Variants in PCDH15 observed in about 807,000 individuals in gnomAD.
PCDH15 encodes the protein protocadherin related 15.
A neutral mutation model predicts 178.5 loss-of-function variants in PCDH15; 129 were observed. That is an observed-to-expected ratio of 0.72 (90% CI 0.63 to 0.84). The LOEUF (loss-of-function observed/expected upper bound fraction) is 0.84. Ranked by LOEUF, PCDH15 falls within the 40% of genes least tolerant of loss-of-function variation. The pLI is 0.00. For missense variants in PCDH15, 2,230 were observed against 2,099.9 expected (o/e 1.06, Z -1.21); for synonymous variants, 800 against 732.0 (o/e 1.09, Z -1.50).
intron 1 of PCDH15, among the ~76,000 whole-genome samples, chr10:55,244,590 C>A (rs892376444): frequency 6.6e-6 from 1 of 151,902 alleles, no homozygotes; most frequent in African/African-American, 2.4e-5. Context: ...CACACACACA[C>A]ACAAACACAC....
At chr10:55,064,131 T>C (rs1156714982) in intron 2 of PCDH15, among the ~76,000 whole-genome samples, 1 of 152,064 alleles carries the variant, frequency 6.6e-6, no homozygotes, top group Admixed American at 6.6e-5. Context: ...TAAATACATA[T>C]GGAAAAATCT....
At chr10:54,726,764 A>C (rs1234723515) in intron 1 of PCDH15, among the ~76,000 whole-genome samples, 1 of 150,654 alleles carries the variant, frequency 6.6e-6, no homozygotes, top group Non-Finnish European at 1.5e-5. Context: ...AAACAATCAA[A>C]AGCACTACAC....
intron 18 of PCDH15, among the ~76,000 whole-genome samples, chr10:54,045,716 AACCT>A (rs528065285): frequency 4.5e-4 from 69 of 152,274 alleles, no homozygotes; most frequent in Non-Finnish European, 7.5e-4. Flanking sequence ...TCAGATGATA[AACCT>A]ATTACGAATA....
At chr10:54,722,521 A>G (rs989285154) in intron 1 of PCDH15, among the ~76,000 whole-genome samples, 1 of 151,254 alleles carries the variant, frequency 6.6e-6, no homozygotes, top group East Asian at 1.9e-4. Context: ...TAGTTCTGCT[A>G]TGATCTTTGC....
intron 22 of PCDH15, among the ~76,000 whole-genome samples, chr10:53,960,961 C>G (rs2088238361): frequency 6.6e-6 from 1 of 152,034 alleles, no homozygotes; most frequent in Admixed American, 6.5e-5. Flanking sequence ...TGTTTTAATA[C>G]CTTGCCAGGT....
chr10:54,341,786 G>A (rs755719134), intron 6 of PCDH15, among the ~76,000 whole-genome samples: 2 of 152,124 alleles, frequency 1.3e-5, no homozygotes, highest in African/African-American at 2.4e-5. Flanking sequence ...TGGAGGTGAG[G>A]AACTTATTGG....
chr10:55,315,162 G>A (rs955378008), intron 1 of PCDH15, among the ~76,000 whole-genome samples: 1 of 151,932 alleles, frequency 6.6e-6, no homozygotes, highest in East Asian at 1.9e-4. Flanking sequence ...TTCTATAATA[G>A]TAGATAATAA....
At chr10:55,196,534 A>G (rs1840097772) in intron 1 of PCDH15, among the ~76,000 whole-genome samples, 1 of 152,078 alleles carries the variant, frequency 6.6e-6, no homozygotes. Context: ...CTTCCTGGAT[A>G]TAATCACAGG....
chr10:53,826,855 A>T (rs934570796), intron 32 of PCDH15, among the ~76,000 whole-genome samples: 1 of 152,096 alleles, frequency 6.6e-6, no homozygotes, highest in African/African-American at 2.4e-5. Context: ...CTGTAATTTC[A>T]TTGAGATTTT....
intron 2 of PCDH15, among the ~76,000 whole-genome samples, chr10:55,350,199 T>C (rs1844873195): frequency 6.9e-6 from 1 of 145,556 alleles, no homozygotes; most frequent in South Asian, 2.2e-4. Flanking sequence ...TGTGTATATG[T>C]AGGGGTGAAT....
Position 55,482,133 on chromosome 10 carries a change from C to T in PCDH15, c.-156+145492G>A, listed in dbSNP as rs1305418843. Among the ~76,000 whole-genome samples, 4 of 151,630 alleles carry T rather than the reference C, an allele frequency of 2.6e-5. No individual in the cohort carries two copies. The South Asian group carries it at 8.3e-4, about 31-fold the overall frequency. Reference sequence around the variant, plus strand: ...ATGGTTTAAAGTCTGTTTTGTCAGACACTAGGATTGCAACCTCTGCTTTTT... The same window carrying T: ...ATGGTTTAAAGTCTGTTTTGTCAGATACTAGGATTGCAACCTCTGCTTTTT... On this transcript the variant is annotated intron_variant, in intron 2 of 5. Coordinates refer to the PCDH15 transcript ENST00000613346.
At chr10:55,380,418 T>G (rs1837505713) in intron 2 of PCDH15, among the ~76,000 whole-genome samples, 1 of 152,186 alleles carries the variant, frequency 6.6e-6, no homozygotes, top group Non-Finnish European at 1.5e-5. Flanking sequence ...ATACATCTTT[T>G]GAGTAAAGAA....
rs147229770 is a variant in PCDH15 at position 55,555,561 on chromosome 10, G to A, written c.-156+72064C>T. 6.4e-4 allele frequency among the ~76,000 whole-genome samples: 97 copies of A among 152,034 alleles called. 1 individual carries two copies. The highest frequency in any genetic ancestry group is 2.2e-3 in the African/African-American group (90 of 41,490). On this transcript the variant is annotated intron_variant, in intron 2 of 5. Coordinates refer to the PCDH15 transcript ENST00000613346. Reference sequence around the variant, plus strand: ...CTAGAGATGCCTCTTCTCAATTTTTGACTTAAAGAAGGAGAAACAAGTAAG... The same window carrying A: ...CTAGAGATGCCTCTTCTCAATTTTTAACTTAAAGAAGGAGAAACAAGTAAG...
intron 2 of PCDH15, among the ~76,000 whole-genome samples, chr10:54,960,363 T>C (rs2131883318): frequency 6.6e-6 from 1 of 152,286 alleles, no homozygotes; most frequent in Non-Finnish European, 1.5e-5. Context: ...TGTGAAATAA[T>C]GTGCTTATGA....
intron 2 of PCDH15, among the ~76,000 whole-genome samples, chr10:55,357,231 CT>C (rs1845102416): frequency 1.3e-5 from 2 of 151,766 alleles, no homozygotes; most frequent in Admixed American, 1.3e-4. Flanking sequence ...TTTCCTTAAT[CT>C]TATCTATGAA....
intron 2 of PCDH15, among the ~76,000 whole-genome samples, chr10:55,428,989 G>A (rs146590815): frequency 1.1e-3 from 164 of 151,904 alleles, no homozygotes; most frequent in African/African-American, 3.8e-3. Flanking sequence ...AGAACTTACC[G>A]TAGCATTCTT....
At chr10:54,885,561 C>A (rs1314413552) in intron 3 of PCDH15, among the ~76,000 whole-genome samples, 1 of 151,784 alleles carries the variant, frequency 6.6e-6, no homozygotes, top group African/African-American at 2.4e-5. Flanking sequence ...AAAGGTCATC[C>A]CCGATACTTC....
At chr10:53,909,872 G>A (rs1191797746) in intron 25 of PCDH15, among the ~76,000 whole-genome samples, 2 of 152,220 alleles carry the variant, frequency 1.3e-5, no homozygotes, top group Non-Finnish European at 2.9e-5. Context: ...CTGGCTCAGT[G>A]AGTCCCATGC....
At chr10:54,698,876 A>G (rs1292023125) in intron 1 of PCDH15, among the ~76,000 whole-genome samples, 1 of 152,082 alleles carries the variant, frequency 6.6e-6, no homozygotes, top group African/African-American at 2.4e-5. Flanking sequence ...ATTTGTGTAA[A>G]AGTTTCTTAG....
Sources: allele counts gnomAD v4.1 joint callset (sites outside exome capture counted in the v4.1 genomes callset), GRCh38; gene constraint gnomAD v4.1.1; transcripts MANE v1.5; gene names NCBI Gene and HGNC (gene_info 2026-07-23, HGNC 2026-07-21).